The following CPEB3 variants were observed in gnomAD, a reference collection of about 807,000 sequenced individuals.
CPEB3 encodes cytoplasmic polyadenylation element binding protein 3.
In CPEB3, 20 loss-of-function variants were observed where a neutral mutation model predicts 67.2. The ratio of observed to expected loss-of-function variants is 0.30; its 90% CI spans 0.21 to 0.43. The LOEUF (loss-of-function observed/expected upper bound fraction) is 0.43, where lower values mean the gene tolerates loss of function less well. CPEB3 is among the 20% of genes least tolerant of loss of function. CPEB3 has a pLI of 1.00. For missense variants in CPEB3, 746 were observed against 968.6 expected, an observed-to-expected ratio of 0.77 and a Z score of 3.05; for synonymous variants, 376 against 393.1, an observed-to-expected ratio of 0.96 and a Z score of 0.51.
chr10:92,068,119 G>A (rs570098997), intron 9 of CPEB3, among the ~76,000 whole-genome samples: 7 of 152,200 alleles, frequency 4.6e-5, no homozygotes, highest in Non-Finnish European at 1.0e-4. Context: ...CAGGGCTTCT[G>A]TGTCAATGCC....
chr10:92,117,877 C>T (rs1220450688), intron 6 of CPEB3, among the ~76,000 whole-genome samples: 1 of 152,128 alleles, frequency 6.6e-6, no homozygotes, highest in African/African-American at 2.4e-5. Context: ...ATTTTATCCT[C>T]ACAGTAACTC....
chr10:92,186,272 T>C (rs1049172100), intron 3 of CPEB3, among the ~76,000 whole-genome samples: 1 of 150,728 alleles, frequency 6.6e-6, no homozygotes, highest in African/African-American at 2.4e-5. Flanking sequence ...CACCTACAGT[T>C]CCAGCTACTC....
chr10:92,130,463 C>G (rs543729883), intron 6 of CPEB3, among the ~76,000 whole-genome samples: 3 of 152,082 alleles, frequency 2.0e-5, no homozygotes, highest in Admixed American at 1.3e-4. Context: ...TAAGGGCAAC[C>G]ATTTCCTTAC....
intron 6 of CPEB3, chr10:92,137,406 T>C (rs1590217218): frequency 1.4e-5 from 15 of 1,110,048 alleles, no homozygotes; most frequent in Middle Eastern, 2.8e-4. Flanking sequence ...ACGAAGCTGA[T>C]GAAATGTTAA....
At chr10:92,093,266 A>G (rs1408446044) in intron 7 of CPEB3, among the ~76,000 whole-genome samples, 2 of 152,106 alleles carry the variant, frequency 1.3e-5, no homozygotes, top group Admixed American at 1.3e-4. Context: ...CCAATGAATG[A>G]CTAAGATAGA....
intron 1 of CPEB3, among the ~76,000 whole-genome samples, chr10:92,268,046 G>A (rs1282829365): frequency 1.3e-5 from 2 of 152,036 alleles, no homozygotes; most frequent in Non-Finnish European, 2.9e-5. Flanking sequence ...TCGATCTCTT[G>A]ACCTCGTGAT....
intron 6 of CPEB3, among the ~76,000 whole-genome samples, chr10:92,124,974 A>C (rs987390195): frequency 2.6e-5 from 4 of 152,222 alleles, no homozygotes; most frequent in African/African-American, 7.2e-5. Context: ...CTTGTGTTCA[A>C]ACTGAATAGT....
intron 1 of CPEB3, among the ~76,000 whole-genome samples, chr10:92,283,557 T>C (rs1476459592): frequency 6.6e-6 from 1 of 152,064 alleles, no homozygotes; most frequent in African/African-American, 2.4e-5. Context: ...ACATTAATAA[T>C]CACTTAGAGA....
At chr10:92,149,816 G>T (rs1188663286) in intron 4 of CPEB3, among the ~76,000 whole-genome samples, 1 of 152,136 alleles carries the variant, frequency 6.6e-6, no homozygotes, top group Non-Finnish European at 1.5e-5. Flanking sequence ...TGGGGGTCAG[G>T]CTTGAAAATC....
At chr10:92,129,393 G>C (rs1376420696) in intron 6 of CPEB3, among the ~76,000 whole-genome samples, 2 of 151,992 alleles carry the variant, frequency 1.3e-5, no homozygotes, top group East Asian at 3.9e-4. Flanking sequence ...ATAACTAATG[G>C]GCACTAGGCT....
chr10:92,224,443 G>C (rs896353299), intron 2 of CPEB3, among the ~76,000 whole-genome samples: 2 of 152,050 alleles, frequency 1.3e-5, no homozygotes, highest in African/African-American at 4.8e-5. Context: ...TGGTGATCTG[G>C]TGGCACTTAT....
At chr10:92,183,030 T>G (rs952930262) in intron 3 of CPEB3, among the ~76,000 whole-genome samples, 1 of 152,110 alleles carries the variant, frequency 6.6e-6, no homozygotes, top group Admixed American at 6.5e-5. Context: ...AAATTTTTAG[T>G]TTTTATCGTT....
chr10:92,146,442 T>C (rs972038415), intron 4 of CPEB3, among the ~76,000 whole-genome samples: 88 of 151,160 alleles, frequency 5.8e-4, no homozygotes, highest in African/African-American at 2.0e-3. Context: ...TAATATACTC[T>C]TAAAAAAAAA....
intron 2 of CPEB3, among the ~76,000 whole-genome samples, chr10:92,210,522 CT>C (rs1850025763): frequency 6.6e-6 from 1 of 152,158 alleles, no homozygotes; most frequent in Non-Finnish European, 1.5e-5. Context: ...AGGAAAGTTG[CT>C]GGAAACCAAA....
intron 1 of CPEB3, among the ~76,000 whole-genome samples, chr10:92,285,892 T>C (rs1842504829): frequency 6.6e-6 from 1 of 152,154 alleles, no homozygotes; most frequent in Non-Finnish European, 1.5e-5. Flanking sequence ...TCAAATGCTA[T>C]CATGTTATCA....
At chr10:92,236,970 C>T (rs777025729) in intron 2 of CPEB3, among the ~76,000 whole-genome samples, 28 of 147,342 alleles carry the variant, frequency 1.9e-4, no homozygotes, top group Non-Finnish European at 4.1e-4. Context: ...AATAAAGTTG[C>T]TATTCTATAA....
intron 1 of CPEB3, among the ~76,000 whole-genome samples, chr10:92,283,630 C>A (rs1327711441): frequency 2.6e-5 from 4 of 152,028 alleles, no homozygotes; most frequent in African/African-American, 9.7e-5. Flanking sequence ...ATTTCCAGGG[C>A]AGTTCTCTGA....
At chr10:92,174,220 G>A (rs1430210280) in intron 4 of CPEB3, among the ~76,000 whole-genome samples, 1 of 152,160 alleles carries the variant, frequency 6.6e-6, no homozygotes, top group Admixed American at 6.5e-5. Flanking sequence ...CTCTCCCCAA[G>A]GAGTTCACTC....
chr10:92,087,404 A>G (rs2133264252), intron 8 of CPEB3, among the ~76,000 whole-genome samples: 1 of 152,308 alleles, frequency 6.6e-6, no homozygotes, highest in Admixed American at 6.5e-5. Flanking sequence ...TGAACGAGAA[A>G]ACAGTAGGTT....
Sources: allele counts gnomAD v4.1 joint callset (sites outside exome capture counted in the v4.1 genomes callset), GRCh38; gene constraint gnomAD v4.1.1; transcripts MANE v1.5; gene names NCBI Gene and HGNC (gene_info 2026-07-23, HGNC 2026-07-21).